Variants in SLIT3 observed in about 807,000 individuals in gnomAD.
SLIT3 encodes slit homolog 3 protein.
In SLIT3, 68 loss-of-function variants were observed where a neutral mutation model predicts 184.0. The observed-to-expected ratio is 0.37, with a 90% CI of 0.30 to 0.45. SLIT3 has a LOEUF of 0.45. Among genes scored for constraint, SLIT3 ranks in the 20% least tolerant of loss-of-function variants. The pLI is 1.00. For synonymous variants in SLIT3, 831 were observed against 828.6 expected (o/e 1.00, Z -0.05); for missense variants, 1,707 against 2,026.0 (o/e 0.84, Z 3.02).
At chr5:168,955,096 G>C (rs979496393) in intron 4 of SLIT3, among the ~76,000 whole-genome samples, 1 of 149,852 alleles carries the variant, frequency 6.7e-6, no homozygotes, top group Admixed American at 6.7e-5. Flanking sequence ...GTTGGGGGGT[G>C]GTGGGGGTGG....
chr5:168,884,410 GTC>G (rs200163535), intron 4 of SLIT3, among the ~76,000 whole-genome samples: 53 of 54,338 alleles, frequency 9.8e-4, no homozygotes, highest in African/African-American at 2.0e-3. Flanking sequence ...TATAAAAGGT[GTC>G]TCTCTCTCTC....
At chr5:168,726,834 C>A (rs1446154633) in intron 20 of SLIT3, among the ~76,000 whole-genome samples, 1 of 150,778 alleles carries the variant, frequency 6.6e-6, no homozygotes, top group Non-Finnish European at 1.5e-5. Flanking sequence ...CAAAACAAAA[C>A]AAAAATAAAA....
In SLIT3 at chr5:168,891,038, G is replaced by A. The variant is rs551258204; in HGVS notation, c.414-7702C>T. Among the ~76,000 whole-genome samples the A allele has an allele frequency of 2.6e-5, 4 of 152,252 alleles. No individual in the cohort carries two copies. The South Asian group carries it at 6.2e-4, about 24-fold the overall frequency. ...CTCAACTTGCACTTCTAAGAAACTGGGATAGGCATCAGAGATAATGGACAA... is the reference window on the plus strand; with the variant it reads ...CTCAACTTGCACTTCTAAGAAACTGAGATAGGCATCAGAGATAATGGACAA... On this transcript the variant is annotated intron_variant, in intron 4 of 35. Transcript: ENST00000519560.
chr5:169,240,727 T>C (rs1244687664), intron 3 of SLIT3, among the ~76,000 whole-genome samples: 3 of 151,694 alleles, frequency 2.0e-5, no homozygotes, highest in African/African-American at 7.2e-5. Context: ...ACATATAAGG[T>C]AATATGATAT....
chr5:168,962,315 C>T (rs542662097), intron 4 of SLIT3, among the ~76,000 whole-genome samples: 94 of 149,752 alleles, frequency 6.3e-4, no homozygotes, highest in African/African-American at 2.3e-3. Flanking sequence ...CCCCACAACA[C>T]ACACACACAC....
rs139577587 is a variant in SLIT3, at chr5:169,230,417, A to G, written c.341+14288T>C. Among the ~76,000 whole-genome samples, 481 of 152,372 alleles carry G rather than the reference A, an allele frequency of 3.2e-3. 5 individuals are homozygous for G. The highest frequency in any genetic ancestry group is 0.011 in the African/African-American group (459 of 41,582). ...TAACAGAAGCCGATTCCTCTCTACT[A>G]GGAGCAAAATAACTCTTGCAGTAAT... On this transcript the variant is annotated intron_variant, in intron 3 of 35. Coordinates refer to ENST00000519560, the MANE Select transcript of SLIT3 (RefSeq NM_003062.4).
At chr5:169,104,268 A>G (rs1342624783) in intron 4 of SLIT3, among the ~76,000 whole-genome samples, 6 of 152,184 alleles carry the variant, frequency 3.9e-5, no homozygotes, top group Non-Finnish European at 1.5e-5. Flanking sequence ...CCTTTTGTGC[A>G]TGTTTACATC....
At chr5:168,791,639 A>C (rs1001036570) in intron 10 of SLIT3, 5 of 152,214 alleles carry the variant, frequency 3.3e-5, no homozygotes, top group Non-Finnish European at 5.9e-5. Context: ...GGTGTGCAAC[A>C]CAATGTTTTG....
At chr5:169,287,512 C>A (rs985113192) in intron 1 of SLIT3, among the ~76,000 whole-genome samples, 3 of 152,182 alleles carry the variant, frequency 2.0e-5, no homozygotes. Flanking sequence ...GGGCAGACCA[C>A]ACCAGGAAGC....
At chr5:168,877,204 G>T (rs1226171574) in intron 5 of SLIT3, among the ~76,000 whole-genome samples, 1 of 152,184 alleles carries the variant, frequency 6.6e-6, no homozygotes, top group Non-Finnish European at 1.5e-5. Context: ...TAAGTGCTCT[G>T]AAGAAATATG....
rs186809982 is a variant in SLIT3, at chr5:169,172,212, T to C, written c.413+21267A>G. Among the ~76,000 whole-genome samples, 7 of 152,338 alleles carry C rather than the reference T, an allele frequency of 4.6e-5. 1 individual carries two copies. Among genetic ancestry groups the C allele is most frequent in the Admixed American group, 2.6e-4 (4 of 15,310 alleles). On this transcript the variant is annotated intron_variant, in intron 4 of 35. Coordinates refer to ENST00000519560, the MANE Select transcript of SLIT3 (RefSeq NM_003062.4). ...GGGACCACAGAATTGCCAACCTGCATTGACAAATCTTTGGTTCATTTTGAT... is the reference window on the plus strand; with the variant it reads ...GGGACCACAGAATTGCCAACCTGCACTGACAAATCTTTGGTTCATTTTGAT...
chr5:168,728,189 A>G lies in SLIT3; in HGVS notation c.2271-3705T>C, dbSNP rs182754161. ...CACTGAGGATGTGATTATAGAGACC[A>G]CTGATCCTATGCCCTGCCGAGGAAT... On this transcript the variant is annotated intron_variant, in intron 20 of 35. Coordinates refer to ENST00000519560, the MANE Select transcript of SLIT3 (RefSeq NM_003062.4). Among the ~76,000 whole-genome samples, 366 of 152,040 alleles carry G rather than the reference A, an allele frequency of 2.4e-3. 1 individual carries two copies. The highest frequency in any genetic ancestry group is 8.5e-3 in the African/African-American group (354 of 41,494).
chr5:168,854,317 G>A (rs1212160524), intron 5 of SLIT3, among the ~76,000 whole-genome samples: 1 of 136,004 alleles, frequency 7.4e-6, no homozygotes, highest in Non-Finnish European at 1.6e-5. Context: ...TCATTGGCCT[G>A]CAAAGTATTC....
intron 1 of SLIT3, among the ~76,000 whole-genome samples, chr5:169,255,680 G>A (rs1765933173): frequency 1.3e-5 from 2 of 152,202 alleles, no homozygotes; most frequent in African/African-American, 2.4e-5. Flanking sequence ...TCAAGAGATC[G>A]AGACCATCCT....
chr5:168,724,371 CCAG>C (rs1561894915), intron 21 of SLIT3, 42 bp downstream of exon 21: 2 of 1,541,604 alleles, frequency 1.3e-6, no homozygotes, highest in East Asian at 2.3e-5. Flanking sequence ...CTGAGCGACC[CCAG>C]CAGGGAAAAA....
At chr5:169,190,937 G>A (rs893566359) in intron 4 of SLIT3, among the ~76,000 whole-genome samples, 2 of 152,156 alleles carry the variant, frequency 1.3e-5, no homozygotes, top group African/African-American at 2.4e-5. Flanking sequence ...AGCCCAGAGA[G>A]AAAAAGGGAT....
At chr5:168,726,045 T>C (rs560617167) in intron 20 of SLIT3, among the ~76,000 whole-genome samples, 6 of 152,228 alleles carry the variant, frequency 3.9e-5, no homozygotes, top group African/African-American at 1.4e-4. Context: ...CTGATGTCCT[T>C]TTGCTTTGAT....
At chr5:169,083,049 A>G (rs1467966577) in intron 4 of SLIT3, among the ~76,000 whole-genome samples, 39 of 152,208 alleles carry the variant, frequency 2.6e-4, no homozygotes, top group Non-Finnish European at 2.9e-5. Flanking sequence ...ATGTTATTCA[A>G]AATAAGAATT....
intron 4 of SLIT3, among the ~76,000 whole-genome samples, chr5:169,078,656 G>GA (rs1426343150): frequency 6.6e-6 from 1 of 152,178 alleles, no homozygotes; most frequent in African/African-American, 2.4e-5. Flanking sequence ...TCTAAAATCA[G>GA]AAAAAATGAG....
Sources: allele counts gnomAD v4.1 joint callset (sites outside exome capture counted in the v4.1 genomes callset), GRCh38; gene constraint gnomAD v4.1.1; transcripts MANE v1.5; gene names NCBI Gene and HGNC (gene_info 2026-07-23, HGNC 2026-07-21).